The following AUTS2 variants were observed in gnomAD, a reference collection of about 807,000 sequenced individuals.
AUTS2 encodes autism susceptibility gene 2 protein.
In AUTS2, 17 loss-of-function variants were observed where a neutral mutation model predicts 112.4. That is an observed-to-expected ratio of 0.15 (90% confidence interval 0.10 to 0.23). The LOEUF (loss-of-function observed/expected upper bound fraction) is 0.23. AUTS2 is among the 10% of genes least tolerant of loss of function. The pLI, the probability that AUTS2 is intolerant of heterozygous loss-of-function variation, is 1.00. For missense variants in AUTS2, 1,510 were observed against 1,701.6 expected, an observed-to-expected ratio of 0.89 and a Z score of 1.98; for synonymous variants, 751 against 702.7, an observed-to-expected ratio of 1.07 and a Z score of -1.09.
intron 1 of AUTS2, among the ~76,000 whole-genome samples, chr7:69,873,746 A>G (rs1038262839): frequency 1.3e-5 from 2 of 152,214 alleles, no homozygotes; most frequent in African/African-American, 4.8e-5. Flanking sequence ...TTAGAATACC[A>G]TGCCCAACTT....
At chr7:69,883,081 A>C (rs1469354760) in intron 1 of AUTS2, among the ~76,000 whole-genome samples, 4 of 152,180 alleles carry the variant, frequency 2.6e-5, no homozygotes, top group African/African-American at 9.7e-5. Context: ...GCATTTGTTC[A>C]TGTTCGTAAA....
At chr7:70,690,998 TAGATTGACTTACA>T (rs1430363776) in intron 5 of AUTS2, among the ~76,000 whole-genome samples, 1 of 152,206 alleles carries the variant, frequency 6.6e-6, no homozygotes, top group East Asian at 1.9e-4. Flanking sequence ...TTTGAAAGTA[TAGATTGACTTACA>T]AGAATTTCCC....
intron 1 of AUTS2, among the ~76,000 whole-genome samples, chr7:69,857,268 G>A (rs1426733645): frequency 6.6e-6 from 1 of 152,070 alleles, no homozygotes; most frequent in Non-Finnish European, 1.5e-5. Context: ...GCAGGCTCAC[G>A]CAGTCCTGGA....
rs1288566948 is a variant in AUTS2, at chr7:69,628,005, A to G, written c.309+28043A>G. 2.0e-5 allele frequency among the ~76,000 whole-genome samples: 3 copies of G among 152,318 alleles called. No individual in the cohort carries two copies. The East Asian group carries it at 5.8e-4, about 29-fold the overall frequency. ...ATTTGATTGAATGATGAGGAGCGGA[A>G]AGATGTTTCAGGCATTTCTTGTATT... On this transcript the variant is annotated intron_variant, in intron 1 of 18. Transcript: ENST00000342771.
intron 6 of AUTS2, among the ~76,000 whole-genome samples, chr7:70,708,352 A>G (rs1307724071): frequency 6.6e-6 from 1 of 152,178 alleles, no homozygotes; most frequent in East Asian, 1.9e-4. Flanking sequence ...CAGATTGGTC[A>G]GCTGTTAAAG....
intron 1 of AUTS2, among the ~76,000 whole-genome samples, chr7:69,767,324 AC>A (rs1339285756): frequency 5.3e-5 from 8 of 151,326 alleles, no homozygotes; most frequent in Non-Finnish European, 1.2e-4. Flanking sequence ...CTATAGGCAC[AC>A]ACAACCATGC....
At chr7:70,189,112 G>A (rs537159296) in intron 4 of AUTS2, among the ~76,000 whole-genome samples, 6 of 152,230 alleles carry the variant, frequency 3.9e-5, no homozygotes, top group Non-Finnish European at 7.4e-5. Context: ...CATTGCAAGA[G>A]GAGAGCTGAC....
At chr7:70,703,490 CAAAA>C (rs57223380) in intron 6 of AUTS2, among the ~76,000 whole-genome samples, 128 of 98,586 alleles carry the variant, frequency 1.3e-3, no homozygotes, top group East Asian at 6.6e-3. Context: ...GACACCATTT[CAAAA>C]AAAAAAAAAA....
chr7:70,323,579 T>C (rs778641917), intron 4 of AUTS2, among the ~76,000 whole-genome samples: 4 of 152,210 alleles, frequency 2.6e-5, no homozygotes, highest in African/African-American at 4.8e-5. Flanking sequence ...TTGACCTAGA[T>C]GTGAACTGAA....
At chr7:70,606,801 G>A (rs1803800066) in intron 5 of AUTS2, among the ~76,000 whole-genome samples, 1 of 151,178 alleles carries the variant, frequency 6.6e-6, no homozygotes, top group African/African-American at 2.4e-5. Context: ...GGTGGAGGTT[G>A]CAGTGAGTCG....
intron 2 of AUTS2, among the ~76,000 whole-genome samples, chr7:70,097,929 G>C (rs1189288681): frequency 3.9e-5 from 6 of 152,230 alleles, no homozygotes; most frequent in Non-Finnish European, 8.8e-5. Context: ...AGATGAGGTT[G>C]CAGATATTTG....
At chr7:69,761,721 T>C (rs1788192918) in intron 1 of AUTS2, among the ~76,000 whole-genome samples, 1 of 152,194 alleles carries the variant, frequency 6.6e-6, no homozygotes, top group Admixed American at 6.5e-5. Context: ...CTCTCACAGA[T>C]GGGAATTTGG....
At chr7:70,457,246 C>T (rs191089360) in intron 5 of AUTS2, among the ~76,000 whole-genome samples, 26 of 152,294 alleles carry the variant, frequency 1.7e-4, no homozygotes, top group African/African-American at 5.8e-4. Context: ...AGTTTTCCCA[C>T]CTGTAAACGG....
At chr7:69,868,524 A>G (rs976029484) in intron 1 of AUTS2, among the ~76,000 whole-genome samples, 1 of 152,184 alleles carries the variant, frequency 6.6e-6, no homozygotes, top group African/African-American at 2.4e-5. Context: ...CCCAGGTTAT[A>G]TGTGGAGTAC....
intron 1 of AUTS2, among the ~76,000 whole-genome samples, chr7:69,667,914 T>G (rs1451561184): frequency 1.3e-5 from 2 of 152,200 alleles, no homozygotes; most frequent in African/African-American, 4.8e-5. Flanking sequence ...GTTCATCAGC[T>G]AAATCACTAT....
chr7:70,621,874 G>A (rs1804694835), intron 5 of AUTS2, among the ~76,000 whole-genome samples: 1 of 95,142 alleles, frequency 1.1e-5, no homozygotes, highest in South Asian at 3.9e-4. Flanking sequence ...TTGGAGAAAT[G>A]GAGTCTCTGT....
intron 5 of AUTS2, among the ~76,000 whole-genome samples, chr7:70,638,438 T>C (rs1366217705): frequency 6.6e-6 from 1 of 152,156 alleles, no homozygotes; most frequent in Non-Finnish European, 1.5e-5. Flanking sequence ...GGCAGAATGA[T>C]TCAGGGGGCC....
intron 5 of AUTS2, among the ~76,000 whole-genome samples, chr7:70,543,798 A>C (rs971616811): frequency 2.0e-5 from 3 of 152,200 alleles, no homozygotes; most frequent in Non-Finnish European, 4.4e-5. Context: ...GGAGTTTTCT[A>C]ACAGGTATGG....
At chr7:70,511,718 A>G (rs1799203700) in intron 5 of AUTS2, among the ~76,000 whole-genome samples, 2 of 151,432 alleles carry the variant, frequency 1.3e-5, no homozygotes, top group South Asian at 2.1e-4. Context: ...TGGGATTACA[A>G]GCATGCGCCA....
Sources: gnomAD v4.1 joint callset for allele counts (sites outside exome capture counted in the v4.1 genomes callset) on GRCh38, gnomAD v4.1.1 for gene constraint, MANE v1.5 for transcripts, NCBI Gene and HGNC (gene_info 2026-07-23, HGNC 2026-07-21) for gene names.